TBC1D1: variants seen among roughly 807,000 people sequenced by gnomAD.
TBC1D1 encodes TBC1 domain family member 1, also known as TBC1 (tre-2/USP6, BUB2, cdc16) domain family, member 1.
A neutral mutation model predicts 125.6 loss-of-function variants in TBC1D1; 89 were observed. The ratio of observed to expected loss-of-function variants is 0.71; its 90% CI spans 0.60 to 0.85. TBC1D1 has a LOEUF of 0.85. Ranked by LOEUF, TBC1D1 falls within the 40% of genes least tolerant of loss-of-function variation. TBC1D1 has a pLI of 0.00. For synonymous variants in TBC1D1, 565 were observed against 564.1 expected, an observed-to-expected ratio of 1.00 and a Z score of -0.02; for missense variants, 1,377 against 1,469.2, an observed-to-expected ratio of 0.94 and a Z score of 1.03.
intron 15 of TBC1D1, among the ~76,000 whole-genome samples, chr4:38,104,159 CAAAAA>C (rs71658758): frequency 1.2e-3 from 98 of 83,952 alleles, no homozygotes; most frequent in African/African-American, 3.9e-3. Flanking sequence ...GACTCTGTCT[CAAAAA>C]AAAAAAAAAA....
chr4:38,061,568 TA>T (rs1425154511), intron 12 of TBC1D1, among the ~76,000 whole-genome samples: 6 of 152,002 alleles, frequency 3.9e-5, no homozygotes, highest in Admixed American at 1.3e-4. Flanking sequence ...ATATGTCTTG[TA>T]AAAAAAAGCC....
At chr4:38,128,672 T>A (rs1578853570) in intron 18 of TBC1D1, among the ~76,000 whole-genome samples, 1 of 152,192 alleles carries the variant, frequency 6.6e-6, no homozygotes, top group East Asian at 1.9e-4. Flanking sequence ...TCTGGAGCTC[T>A]GGCTCAATGT....
At chr4:38,066,873 C>T (rs1286957084) in intron 12 of TBC1D1, among the ~76,000 whole-genome samples, 2 of 152,064 alleles carry the variant, frequency 1.3e-5, no homozygotes, top group Non-Finnish European at 2.9e-5. Context: ...TGAGTACTAA[C>T]AAGATTTTTT....
Position 37,960,805 on chromosome 4 carries a change from A to G in TBC1D1, c.418-53704A>G, listed in dbSNP as rs1444855845. 1.7e-5 allele frequency: 28 copies of G among 1,614,002 alleles called. No individual in the cohort carries two copies. Among genetic ancestry groups the G allele is most frequent in the Non-Finnish European group, 2.4e-5 (28 of 1,180,032 alleles). On this transcript the variant is annotated intron_variant, in intron 2 of 19. Transcript: ENST00000261439. ...AAATTCTTTCCCTTCAATCTTCTAG[A>G]CTTTGAGAGTTTTGACCTGCCTGAA...
intron 15 of TBC1D1, among the ~76,000 whole-genome samples, chr4:38,111,602 TTG>T: frequency 6.6e-6 from 1 of 152,356 alleles, no homozygotes; most frequent in Admixed American, 6.5e-5. Context: ...TGAATTTTAT[TTG>T]CTTCATTCAT....
chr4:37,960,452 C>T (rs750269102), intron 2 of TBC1D1: 40 of 1,613,416 alleles, frequency 2.5e-5, no homozygotes, highest in South Asian at 3.3e-5. Context: ...CTCTGATCTA[C>T]GTTGATAAGG....
chr4:37,967,452 G>A (rs976566563), intron 2 of TBC1D1, among the ~76,000 whole-genome samples: 4 of 150,170 alleles, frequency 2.7e-5, no homozygotes, highest in Admixed American at 6.6e-5. Context: ...CCGAGACTGC[G>A]CCATTGCACT....
chr4:37,995,604 C>T lies in TBC1D1; in HGVS notation c.418-18905C>T. Reference sequence around the variant, plus strand: ...AGGCCTTCAGGTCCAGTACCCTGGCCTTGACCTCCCCATAGGCTGTCTTAT... The same window carrying T: ...AGGCCTTCAGGTCCAGTACCCTGGCTTTGACCTCCCCATAGGCTGTCTTAT... On this transcript the variant is annotated intron_variant, in intron 2 of 19. Transcript: ENST00000261439. This position sits in a 1 kb window ranked among gnomAD's most constrained non-coding sequence, Gnocchi z 4.3. 1 of 479,200 alleles carries T rather than the reference C, an allele frequency of 2.1e-6. No individual in the cohort carries two copies. 29.7% of individuals were successfully genotyped at this position (479,200 alleles called of 1,614,324 possible). A position where few individuals can be genotyped will look rare whatever the true frequency, so the allele number is the denominator to read the frequency against.
At chr4:38,136,652 C>T (rs920183386) in intron 19 of TBC1D1, among the ~76,000 whole-genome samples, 2 of 152,120 alleles carry the variant, frequency 1.3e-5, no homozygotes, top group Admixed American at 6.5e-5. Context: ...TTTGTCAGCC[C>T]GAAATCGATT....
Position 38,103,006 on chromosome 4 carries a change from A to G in TBC1D1, c.2406A>G (p.Pro802=), listed in dbSNP as rs926121759. Residue 802 remains proline (P), a synonymous_variant, in exon 15 of 20, where the codon CCA becomes CCG. Transcript: ENST00000261439. Reference sequence around the variant, plus strand: ...CTTCTCTCCCTTTTAAAGGTGTGCCACGTCATCACCGAGGTGAAATCTGGA... The same window carrying G: ...CTTCTCTCCCTTTTAAAGGTGTGCCGCGTCATCACCGAGGTGAAATCTGGA... 8 of 1,613,852 alleles carry G rather than the reference A, an allele frequency of 5.0e-6. No homozygotes were observed. The highest frequency in any genetic ancestry group is 6.8e-6 in the Non-Finnish European group (8 of 1,179,932).
intron 2 of TBC1D1, among the ~76,000 whole-genome samples, chr4:37,956,015 AAT>A (rs900142698): frequency 6.9e-6 from 1 of 145,168 alleles, no homozygotes; most frequent in Non-Finnish European, 1.5e-5. Context: ...AAATACATAT[AAT>A]CTGCTTCAAA....
intron 2 of TBC1D1, among the ~76,000 whole-genome samples, chr4:37,919,395 A>G (rs1319837959): frequency 6.8e-6 from 1 of 147,536 alleles, no homozygotes; most frequent in Non-Finnish European, 1.5e-5. Flanking sequence ...TGTGTTGGGT[A>G]GGCTGTTCTT....
intron 6 of TBC1D1, among the ~76,000 whole-genome samples, chr4:38,027,502 A>G (rs1431831004): frequency 6.6e-6 from 1 of 152,086 alleles, no homozygotes; most frequent in Non-Finnish European, 1.5e-5. Context: ...GGTGGCATGC[A>G]CCTGTAGTCC....
intron 12 of TBC1D1, among the ~76,000 whole-genome samples, chr4:38,084,328 C>G (rs1418078792): frequency 6.6e-6 from 1 of 152,212 alleles, no homozygotes; most frequent in Non-Finnish European, 1.5e-5. Context: ...GGAGTATTTT[C>G]CATAAAAGAT....
chr4:38,029,571 A>G (rs569053726), intron 7 of TBC1D1, among the ~76,000 whole-genome samples: 19 of 152,156 alleles, frequency 1.2e-4, no homozygotes, highest in African/African-American at 3.4e-4. Context: ...GTTTCACCAT[A>G]TTGGCCAGGC....
chr4:38,130,209 T>G (rs1364831031), intron 18 of TBC1D1, among the ~76,000 whole-genome samples: 3 of 152,222 alleles, frequency 2.0e-5, no homozygotes, highest in African/African-American at 7.2e-5. Context: ...AAGCTCTTAT[T>G]TGATACAATG....
intron 4 of TBC1D1, 85 bp from the exon 5 acceptor site, chr4:38,020,506 T>A: frequency 9.6e-7 from 1 of 1,038,232 alleles, no homozygotes; most frequent in Non-Finnish European, 1.5e-6. Flanking sequence ...TAAAATAAAT[T>A]GTGCTGTATA....
chr4:37,893,195 G>C (rs1479361129), intron 1 of TBC1D1, among the ~76,000 whole-genome samples: 1 of 152,196 alleles, frequency 6.6e-6, no homozygotes, highest in Non-Finnish European at 1.5e-5. Flanking sequence ...AGGGGCTCAA[G>C]AGGATTCTGT....
intron 2 of TBC1D1, chr4:38,006,973 T>C: frequency 4.6e-6 from 2 of 430,272 alleles, no homozygotes; most frequent in Non-Finnish European, 4.7e-6. Context: ...GTCTCCTTCT[T>C]CTTGGCCAAG....
Sources: gnomAD v4.1 joint callset for allele counts (sites outside exome capture counted in the v4.1 genomes callset) on GRCh38, gnomAD v4.1.1 for gene constraint, Gnocchi (gnomAD v3.1) non-coding constraint, MANE v1.5 for transcripts, NCBI Gene and HGNC (gene_info 2026-07-23, HGNC 2026-07-21) for gene names.